The following NEXMIF variants were observed in gnomAD, a reference collection of about 807,000 sequenced individuals.
NEXMIF encodes the protein XLMR protein related to neurite extension.
A neutral mutation model predicts 62.1 loss-of-function variants in NEXMIF; 8 were observed. The observed-to-expected ratio is 0.13, with a 90% CI of 0.08 to 0.23. The LOEUF is 0.23. NEXMIF is among the 10% of genes least tolerant of loss of function. NEXMIF has a pLI of 1.00. For synonymous variants in NEXMIF, 404 were observed against 416.6 expected (o/e 0.97, Z 0.37); for missense variants, 976 against 1,113.3 (o/e 0.88, Z 1.75).
At chrX:74,794,519 C>A (rs779709380) in intron 1 of NEXMIF, among the ~76,000 whole-genome samples, 6 of 112,076 alleles carry the variant, frequency 5.4e-5, no homozygotes, top group African/African-American at 1.3e-4. Context: ...TCGAGCTTCC[C>A]GGCTGCTTTG....
intron 1 of NEXMIF, among the ~76,000 whole-genome samples, chrX:74,905,276 T>C (rs2080763753): frequency 9.0e-6 from 1 of 111,320 alleles, no homozygotes. Context: ...ACAAGCTCTA[T>C]ATATTATTTA....
At position 74,846,635 on chromosome X, in the gene NEXMIF, TAGA is replaced by T. The variant is rs751950230; in HGVS notation, c.-48+78245_-48+78247del. On this transcript the variant is annotated intron_variant, in intron 1 of 3. Transcript: ENST00000055682. Reference sequence around the variant, plus strand: ...TTTAAACGATTGAAGCTTTGTCATATAGAAGAAGAATTAAGAATTAACCTTTGT... The same window carrying T: ...TTTAAACGATTGAAGCTTTGTCATATAGAAGAATTAAGAATTAACCTTTGT... Among the ~76,000 whole-genome samples, 5 of 112,151 alleles carry T rather than the reference TAGA, an allele frequency of 4.5e-5. No individual in the cohort carries two copies. In the East Asian group the frequency reaches 1.1e-3, roughly 25 times the overall value.
chrX:74,843,286 T>C (rs2080479855), intron 1 of NEXMIF, among the ~76,000 whole-genome samples: 1 of 112,046 alleles, frequency 8.9e-6, no homozygotes, highest in African/African-American at 3.2e-5. Flanking sequence ...AAATTAGGAT[T>C]GCAACCCTTG....
intron 1 of NEXMIF, among the ~76,000 whole-genome samples, chrX:74,811,969 G>A (rs1275875999): frequency 1.8e-5 from 2 of 112,887 alleles, no homozygotes; most frequent in East Asian, 2.8e-4. Flanking sequence ...GAACATAAGA[G>A]GAAGAAAAGT....
chrX:74,819,537 G>A (rs1047996257), intron 1 of NEXMIF, among the ~76,000 whole-genome samples: 3 of 111,978 alleles, frequency 2.7e-5, no homozygotes, highest in Non-Finnish European at 5.6e-5. Context: ...GATATGAAAA[G>A]ACACTTTTCA....
At chrX:74,889,469 AT>A (rs1398346555) in intron 1 of NEXMIF, among the ~76,000 whole-genome samples, 3 of 112,091 alleles carry the variant, frequency 2.7e-5, no homozygotes, top group African/African-American at 9.7e-5. Flanking sequence ...TTACTTATTT[AT>A]TTTAATCCTT....
intron 1 of NEXMIF, among the ~76,000 whole-genome samples, chrX:74,776,469 T>C (rs1160756888): frequency 9.0e-6 from 1 of 111,226 alleles, no homozygotes; most frequent in Non-Finnish European, 1.9e-5. Context: ...CTCACGCCTG[T>C]AATCCCAGCA....
chrX:74,795,112 C>T, intron 1 of NEXMIF, among the ~76,000 whole-genome samples: 1 of 111,944 alleles, frequency 8.9e-6, no homozygotes, highest in Non-Finnish European at 1.9e-5. Context: ...CATACTCAAC[C>T]CAGACTTCTT....
rs150997754 is a variant in NEXMIF, at chrX:74,892,816, A to G, written c.-48+32067T>C. On this transcript the variant is annotated intron_variant, in intron 1 of 3. Coordinates refer to ENST00000055682, the MANE Select transcript of NEXMIF (RefSeq NM_001008537.3). ...TTTCAAAGTGAGCATAGGAGAATTT[A>G]CCCTAATTAAAACCACAGGGGGAAT... Among the ~76,000 whole-genome samples the G allele has an allele frequency of 7.7e-3, 861 of 112,184 alleles. 12 individuals carry two copies. The highest frequency in any genetic ancestry group is 0.027 in the African/African-American group (824 of 30,888).
chrX:74,829,382 C>A (rs2080428711), intron 1 of NEXMIF, among the ~76,000 whole-genome samples: 1 of 112,103 alleles, frequency 8.9e-6, no homozygotes, highest in African/African-American at 3.2e-5. Context: ...ATGGCAGGAT[C>A]TTATTCTTCT....
intron 1 of NEXMIF, among the ~76,000 whole-genome samples, chrX:74,829,607 C>T (rs2080429442): frequency 9.0e-6 from 1 of 111,640 alleles, no homozygotes; most frequent in African/African-American, 3.3e-5. Context: ...GCCCTATTTG[C>T]ATTTTTTTGA....
chrX:74,874,536 A>C (rs1167698644), intron 1 of NEXMIF, among the ~76,000 whole-genome samples: 1 of 105,498 alleles, frequency 9.5e-6, no homozygotes, highest in African/African-American at 3.5e-5. Context: ...GAAGAAAGTC[A>C]TTGGTAGCTT....
At position 74,793,542 on chromosome X, in the gene NEXMIF, G is replaced by A. The variant is rs979974780; in HGVS notation, c.-47-47845C>T. On this transcript the variant is annotated intron_variant, in intron 1 of 3. Coordinates refer to ENST00000055682, the MANE Select transcript of NEXMIF (RefSeq NM_001008537.3). ...TGGACTGCCTTGCTAGATTGGGGAA[G>A]TTCTCCTGGAGAATATCCTGCAGAG... Among the ~76,000 whole-genome samples the A allele has an allele frequency of 2.7e-5, 3 of 111,521 alleles. No individual in the cohort carries two copies. The Admixed American group carries it at 2.9e-4, about 11-fold the overall frequency.
At chrX:74,871,139 G>A (rs1465220653) in intron 1 of NEXMIF, among the ~76,000 whole-genome samples, 1 of 111,631 alleles carries the variant, frequency 9.0e-6, no homozygotes, top group African/African-American at 3.3e-5. Context: ...TTCAATGTAG[G>A]TTCTTTTCTA....
chrX:74,913,352 G>C (rs189750502), intron 1 of NEXMIF, among the ~76,000 whole-genome samples: 138 of 111,869 alleles, frequency 1.2e-3, no homozygotes, highest in African/African-American at 4.3e-3. Flanking sequence ...AAACTATCTA[G>C]TCTGAACAAC....
intron 1 of NEXMIF, among the ~76,000 whole-genome samples, chrX:74,819,228 A>T (rs899443540): frequency 1.8e-5 from 2 of 112,077 alleles, no homozygotes; most frequent in Non-Finnish European, 3.8e-5. Flanking sequence ...AACCATAAAA[A>T]CCCCAGAAGA....
chrX:74,876,356 CAGTT>C (rs1186437432), intron 1 of NEXMIF, among the ~76,000 whole-genome samples: 2 of 111,525 alleles, frequency 1.8e-5, no homozygotes, highest in Non-Finnish European at 3.8e-5. Context: ...GTCTGAGAGA[CAGTT>C]TGTTATAATT....
chrX:74,857,424 C>A (rs1043818763), intron 1 of NEXMIF, among the ~76,000 whole-genome samples: 5 of 111,979 alleles, frequency 4.5e-5, no homozygotes, highest in African/African-American at 6.5e-5. Flanking sequence ...CAGAAGGGTA[C>A]CCGTTGCCTT....
Position 74,741,232 on chromosome X carries a change from C to G in NEXMIF, c.3325G>C (p.Val1109Leu), listed in dbSNP as rs948687949. 2.5e-6 allele frequency: 3 copies of G among 1,209,458 alleles called. No homozygotes were observed. The African/African-American group carries it at 5.3e-5, about 21-fold the overall frequency. ...CTGCAGTCCCACTTGATTTTTTCCA[C>G]ACTGTCCAATGGTCCTGGGACACCC... ...QEGVPGPLDS[V>L]EKIKWDCSTL... is the part of the protein sequence containing the mutation. The change falls in exon 3 of 4, where the codon GTG becomes CTG. Residue 1109 changes from valine to leucine, a missense_variant. By Grantham distance (32) the Val-to-Leu change is conservative (BLOSUM62 1). This residue lies in a region of NEXMIF where 639 missense variants were observed against 694.5 expected (regional missense o/e 0.92). Transcript: ENST00000055682.
Sources: gnomAD v4.1 joint callset for allele counts (sites outside exome capture counted in the v4.1 genomes callset) on GRCh38, gnomAD v4.1.1 for gene constraint, gnomAD v4.1.1 regional missense constraint, MANE v1.5 for transcripts, NCBI Gene and HGNC (gene_info 2026-07-23, HGNC 2026-07-21) for gene names.